Variants in EDIL3 observed in about 807,000 individuals in gnomAD.
EDIL3 encodes the protein EGF-like repeat and discoidin I-like domain-containing protein 3.
EDIL3 carries 37 observed loss-of-function variants against 67.4 expected under a neutral mutation model. That is an observed-to-expected ratio of 0.55 (90% CI 0.42 to 0.72). The LOEUF (loss-of-function observed/expected upper bound fraction) is 0.72, where lower values mean the gene tolerates loss of function less well. Among genes scored for constraint, EDIL3 ranks in the 30% least tolerant of loss-of-function variants. The pLI is 0.00. For synonymous variants in EDIL3, 195 were observed against 196.3 expected (o/e 0.99, Z 0.05); for missense variants, 527 against 586.3 (o/e 0.90, Z 1.04).
intron 1 of EDIL3, among the ~76,000 whole-genome samples, chr5:84,271,454 AATAAATAT>A (rs1376127000): frequency 9.0e-5 from 11 of 121,638 alleles, no homozygotes; most frequent in African/African-American, 2.9e-4. Context: ...TAAATAAATA[AATAAATAT>A]AAAATAAAGG....
At chr5:84,256,133 TATCTATCTATCTATC>T (rs948397655) in intron 1 of EDIL3, among the ~76,000 whole-genome samples, 3 of 98,022 alleles carry the variant, frequency 3.1e-5, no homozygotes, top group African/African-American at 1.2e-4. Context: ...TCTATCTATC[TATCTATCTATCTATC>T]ATCTATCTAT....
At chr5:84,007,751 A>T (rs998001031) in intron 9 of EDIL3, among the ~76,000 whole-genome samples, 6 of 152,148 alleles carry the variant, frequency 3.9e-5, no homozygotes, top group African/African-American at 1.4e-4. Flanking sequence ...GAACTACCAT[A>T]TGATCCAGCA....
At chr5:84,104,579 T>C (rs530644893) in intron 6 of EDIL3, among the ~76,000 whole-genome samples, 1 of 152,160 alleles carries the variant, frequency 6.6e-6, no homozygotes, top group East Asian at 1.9e-4. Context: ...TCATGTTTAC[T>C]TTAGCTGTTT....
chr5:84,330,932 G>A (rs965132041), intron 1 of EDIL3, among the ~76,000 whole-genome samples: 3 of 152,164 alleles, frequency 2.0e-5, no homozygotes, highest in Non-Finnish European at 1.5e-5. Flanking sequence ...GCCCAAGGCC[G>A]TGAGACCTTA....
intron 1 of EDIL3, among the ~76,000 whole-genome samples, chr5:84,301,869 A>G (rs972271859): frequency 2.0e-5 from 3 of 152,176 alleles, no homozygotes; most frequent in African/African-American, 4.8e-5. Context: ...ACCTAGGTTC[A>G]GATGTTTATA....
chr5:84,382,816 A>G (rs1273929160), intron 1 of EDIL3, among the ~76,000 whole-genome samples: 1 of 151,956 alleles, frequency 6.6e-6, no homozygotes, highest in Non-Finnish European at 1.5e-5. Flanking sequence ...CACTTTGTAA[A>G]CGCAGGCGAG....
rs185190079 is a variant in EDIL3 at position 84,115,217 on chromosome 5, G to A, written c.470-8387C>T. 4.4e-3 allele frequency among the ~76,000 whole-genome samples: 677 copies of A among 152,236 alleles called. 1 individual carries two copies. Among genetic ancestry groups the A allele is most frequent in the Middle Eastern group, 0.014 (4 of 294 alleles). On this transcript the variant is annotated intron_variant, in intron 5 of 10. Coordinates refer to ENST00000296591, the MANE Select transcript of EDIL3 (RefSeq NM_005711.5). ...AATATATAAGAATCAGCTCTTGGAG[G>A]TAGGGGAAATACTATATTTGGAATG...
chr5:84,107,226 A>G (rs994639680), intron 5 of EDIL3, among the ~76,000 whole-genome samples: 2 of 151,966 alleles, frequency 1.3e-5, no homozygotes, highest in African/African-American at 4.8e-5. Flanking sequence ...TCCATCCATT[A>G]TTTCTTTATT....
chr5:84,183,588 A>G (rs1035573821), intron 3 of EDIL3, among the ~76,000 whole-genome samples: 1 of 152,198 alleles, frequency 6.6e-6, no homozygotes, highest in Non-Finnish European at 1.5e-5. Flanking sequence ...AATGTTCCCT[A>G]GAAACAACTT....
chr5:84,199,024 T>C (rs1281793654), intron 3 of EDIL3, among the ~76,000 whole-genome samples: 6 of 152,058 alleles, frequency 3.9e-5, no homozygotes, highest in Admixed American at 3.3e-4. Context: ...GAGACTTTGT[T>C]CTAGTGGGTA....
chr5:84,155,304 G>A (rs1158442454), intron 4 of EDIL3, among the ~76,000 whole-genome samples: 7 of 152,030 alleles, frequency 4.6e-5, no homozygotes, highest in Non-Finnish European at 8.8e-5. Flanking sequence ...TTTTTTCATC[G>A]TCTTTTAATA....
At chr5:84,198,541 A>G (rs1442189811) in intron 3 of EDIL3, among the ~76,000 whole-genome samples, 1 of 152,142 alleles carries the variant, frequency 6.6e-6, no homozygotes, top group African/African-American at 2.4e-5. Context: ...TGACGTGATC[A>G]GAATGAGTAA....
chr5:84,255,227 C>T (rs943061519), intron 1 of EDIL3, among the ~76,000 whole-genome samples: 2 of 152,124 alleles, frequency 1.3e-5, no homozygotes, highest in East Asian at 1.9e-4. Context: ...GGTAAATTAT[C>T]GAATGCCAGA....
intron 6 of EDIL3, among the ~76,000 whole-genome samples, chr5:84,090,402 T>C (rs1459989287): frequency 6.6e-6 from 1 of 152,200 alleles, no homozygotes; most frequent in Non-Finnish European, 1.5e-5. Flanking sequence ...TTAGGTGAAG[T>C]ATGTCTCTTT....
chr5:84,065,155 C>T (rs1294311552), intron 7 of EDIL3, among the ~76,000 whole-genome samples: 2 of 152,128 alleles, frequency 1.3e-5, no homozygotes, highest in Admixed American at 1.3e-4. Context: ...AAATGGACAC[C>T]TTAAATCCTT....
chr5:84,182,455 C>CA (rs1749029949), intron 3 of EDIL3, among the ~76,000 whole-genome samples: 3 of 149,620 alleles, frequency 2.0e-5, no homozygotes, highest in African/African-American at 7.4e-5. Flanking sequence ...GACCCTGTCT[C>CA]AAAAAACTAA....
intron 9 of EDIL3, among the ~76,000 whole-genome samples, chr5:83,973,229 G>A (rs963452072): frequency 6.6e-6 from 1 of 151,980 alleles, no homozygotes; most frequent in African/African-American, 2.4e-5. Context: ...ATTCAGGGTG[G>A]TGGTTAATTG....
chr5:84,006,423 G>A (rs905091272), intron 9 of EDIL3, among the ~76,000 whole-genome samples: 6 of 152,038 alleles, frequency 3.9e-5, no homozygotes, highest in Non-Finnish European at 8.8e-5. Flanking sequence ...CAATATGGTT[G>A]GGGCTGGAGG....
At chr5:84,123,442 G>A (rs1278843203) in intron 5 of EDIL3, among the ~76,000 whole-genome samples, 1 of 151,808 alleles carries the variant, frequency 6.6e-6, no homozygotes, top group Non-Finnish European at 1.5e-5. Context: ...GCATAAACTT[G>A]GATTTTGCCT....
Sources: allele counts gnomAD v4.1 joint callset (sites outside exome capture counted in the v4.1 genomes callset), GRCh38; gene constraint gnomAD v4.1.1; transcripts MANE v1.5; gene names NCBI Gene and HGNC (gene_info 2026-07-23, HGNC 2026-07-21).